CXCL13: variants seen among roughly 807,000 people sequenced by gnomAD.
CXCL13 encodes C-X-C motif chemokine ligand 13, also known as C-X-C motif chemokine 13.
A neutral mutation model predicts 12.2 loss-of-function variants in CXCL13; 7 were observed. The ratio of observed to expected loss-of-function variants is 0.57; its 90% CI spans 0.33 to 1.07. The LOEUF is 1.07. Ranked by LOEUF, CXCL13 falls within the 50% of genes least tolerant of loss-of-function variation. The probability of loss-of-function intolerance (pLI) is 0.04; values close to 1 mark genes in which losing one functional copy is unlikely to be tolerated. For synonymous variants in CXCL13, 47 were observed against 42.4 expected, an observed-to-expected ratio of 1.11 and a Z score of -0.42; for missense variants, 113 against 127.4, an observed-to-expected ratio of 0.89 and a Z score of 0.55.
At chr4:77,528,383 C>A (rs1264817545) in intron 1 of CXCL13, among the ~76,000 whole-genome samples, 1 of 152,198 alleles carries the variant, frequency 6.6e-6, no homozygotes, top group Non-Finnish European at 1.5e-5. Context: ...AACTAGTTTA[C>A]AATCCCACCA....
chr4:77,517,747 T>TTGACTCTTTATCCAATTTGCCAGTCTG (rs1230908455), intron 1 of CXCL13, among the ~76,000 whole-genome samples: 1 of 152,242 alleles, frequency 6.6e-6, no homozygotes, highest in Non-Finnish European at 1.5e-5. Context: ...CTGATGGGTC[T>TTGACTCTTTATCCAATTTGCCAGTCTG]TGACTCTTTA....
upstream of CXCL13, among the ~76,000 whole-genome samples, chr4:77,605,073 A>T (rs1366625923): frequency 6.6e-6 from 1 of 152,084 alleles, no homozygotes; most frequent in Non-Finnish European, 1.5e-5. Context: ...TCACCCTCTA[A>T]TGCAGTTCTA....
intron 1 of CXCL13, among the ~76,000 whole-genome samples, chr4:77,560,832 T>G (rs2109812442): frequency 6.6e-6 from 1 of 152,378 alleles, no homozygotes; most frequent in Non-Finnish European, 1.5e-5. Context: ...AATTACTTAG[T>G]GATATGCCCT....
intron 1 of CXCL13, among the ~76,000 whole-genome samples, chr4:77,561,397 C>T (rs1048743899): frequency 1.3e-5 from 2 of 152,174 alleles, no homozygotes; most frequent in South Asian, 2.1e-4. Flanking sequence ...AGTGGTTCTC[C>T]ATTAGTGCCT....
At chr4:77,543,739 TTTTTA>T (rs1248769404) in intron 1 of CXCL13, among the ~76,000 whole-genome samples, 3 of 152,086 alleles carry the variant, frequency 2.0e-5, no homozygotes, top group Admixed American at 6.6e-5. Context: ...TGATTTCCAT[TTTTTA>T]TTTTATTTTT....
chr4:77,545,100 G>A (rs1048570665), intron 1 of CXCL13, among the ~76,000 whole-genome samples: 2 of 152,030 alleles, frequency 1.3e-5, no homozygotes, highest in Non-Finnish European at 2.9e-5. Flanking sequence ...TGTTTCACTG[G>A]TCTATATCTC....
chr4:77,530,308 A>G (rs543597102), intron 1 of CXCL13, among the ~76,000 whole-genome samples: 24 of 152,260 alleles, frequency 1.6e-4, no homozygotes, highest in African/African-American at 5.3e-4. Flanking sequence ...GTTAAGGAGG[A>G]TTCCCTCTTT....
intron 1 of CXCL13, among the ~76,000 whole-genome samples, chr4:77,552,980 G>A (rs1490908113): frequency 6.6e-6 from 1 of 152,218 alleles, no homozygotes; most frequent in African/African-American, 2.4e-5. Flanking sequence ...TGCCCATGAA[G>A]AGTGCGGCTG....
rs1725676512 is a variant in CXCL13 at position 77,557,068 on chromosome 4, CA to C, written c.-43+45282del. Among the ~76,000 whole-genome samples, 7 of 151,858 alleles carry C rather than the reference CA, an allele frequency of 4.6e-5. No homozygotes were observed. In the South Asian group the frequency reaches 1.5e-3, roughly 32 times the overall value. On this transcript the variant is annotated intron_variant, in intron 1 of 4. Transcript: ENST00000286758. Reference sequence around the variant, plus strand: ...AGAGAGAGAAAAGAAAAATGGGAAACAAGGAGAGAAAGGAAGAAACAAAACA... The same window carrying C: ...AGAGAGAGAAAAGAAAAATGGGAAACAGGAGAGAAAGGAAGAAACAAAACA...
chr4:77,606,186 G>A (rs569726709), intron 1 of CXCL13, among the ~76,000 whole-genome samples: 1 of 152,244 alleles, frequency 6.6e-6, no homozygotes, highest in East Asian at 1.9e-4. Flanking sequence ...TATATTCCCA[G>A]CCTTTTTCTG....
At chr4:77,538,431 T>A (rs900694517) in intron 1 of CXCL13, among the ~76,000 whole-genome samples, 3 of 151,754 alleles carry the variant, frequency 2.0e-5, no homozygotes, top group African/African-American at 4.8e-5. Flanking sequence ...GTCTTTTTTT[T>A]TTTTTTTTTC....
chr4:77,548,134 G>A (rs1725418912), intron 1 of CXCL13, among the ~76,000 whole-genome samples: 1 of 152,142 alleles, frequency 6.6e-6, no homozygotes, highest in Non-Finnish European at 1.5e-5. Flanking sequence ...AAAAGATTCA[G>A]CTTACATTAT....
chr4:77,610,087 TC>T (rs1164291554), intron 2 of CXCL13, among the ~76,000 whole-genome samples: 1 of 152,204 alleles, frequency 6.6e-6, no homozygotes. Flanking sequence ...GCAGGAAAAA[TC>T]TTGCTAAGTG....
At chr4:77,522,565 A>G (rs531861533) in intron 1 of CXCL13, among the ~76,000 whole-genome samples, 2 of 84,398 alleles carry the variant, frequency 2.4e-5, no homozygotes, top group Admixed American at 1.7e-4. Context: ...TGCTTGCTAG[A>G]TCTTCCTCCA....
intron 1 of CXCL13, among the ~76,000 whole-genome samples, chr4:77,519,325 A>T (rs564811914): frequency 2.9e-4 from 44 of 152,300 alleles, no homozygotes; most frequent in African/African-American, 9.6e-4. Context: ...TTCAAAGCTC[A>T]GATGGAAATG....
At position 77,529,825 on chromosome 4, in the gene CXCL13, G is replaced by A. The variant is rs941590823; in HGVS notation, c.-43+18037G>A. On this transcript the variant is annotated intron_variant, in intron 1 of 4. Transcript: ENST00000286758. ...TTCCAACACTATGTTGAATAGGAGTGGTGAGAGAGGGCATCCCTGTCTTGT... is the reference window on the plus strand; with the variant it reads ...TTCCAACACTATGTTGAATAGGAGTAGTGAGAGAGGGCATCCCTGTCTTGT... Among the ~76,000 whole-genome samples, 9 of 152,294 alleles carry A rather than the reference G, an allele frequency of 5.9e-5. No individual in the cohort carries two copies. In the East Asian group the frequency reaches 1.5e-3, roughly 26 times the overall value.
At chr4:77,543,688 T>G (rs1217651089) in intron 1 of CXCL13, among the ~76,000 whole-genome samples, 9 of 152,168 alleles carry the variant, frequency 5.9e-5, no homozygotes, top group Non-Finnish European at 1.3e-4. Context: ...TGGTATTTAT[T>G]TCTATTTTTA....
intron 1 of CXCL13, among the ~76,000 whole-genome samples, chr4:77,581,638 C>T (rs575814818): frequency 5.9e-5 from 9 of 152,248 alleles, no homozygotes; most frequent in South Asian, 4.1e-4. Flanking sequence ...TCAACAAATA[C>T]GTATTGAGTA....
intron 1 of CXCL13, among the ~76,000 whole-genome samples, chr4:77,522,742 T>C (rs1724643212): frequency 6.6e-6 from 1 of 151,910 alleles, no homozygotes; most frequent in South Asian, 2.1e-4. Flanking sequence ...GTGAATTTGA[T>C]CCTGTCATTA....
Sources: gnomAD v4.1 joint callset for allele counts (sites outside exome capture counted in the v4.1 genomes callset) on GRCh38, gnomAD v4.1.1 for gene constraint, MANE v1.5 for transcripts, NCBI Gene and HGNC (gene_info 2026-07-23, HGNC 2026-07-21) for gene names.